GLB1: variants seen among roughly 807,000 people sequenced by gnomAD.
GLB1 encodes beta-galactosidase.
A neutral mutation model predicts 74.0 loss-of-function variants in GLB1; 56 were observed. The observed-to-expected ratio is 0.76, with a 90% CI of 0.61 to 0.94. The LOEUF is 0.94. Ranked by LOEUF, GLB1 falls within the 40% of genes least tolerant of loss-of-function variation. The probability of loss-of-function intolerance (pLI) is 0.00; values close to 1 mark genes in which losing one functional copy is unlikely to be tolerated. For synonymous variants in GLB1, 323 were observed against 323.6 expected, an observed-to-expected ratio of 1.00 and a Z score of 0.02; for missense variants, 787 against 845.5, an observed-to-expected ratio of 0.93 and a Z score of 0.86.
Position 33,088,358 on chromosome 3 carries a change from C to T in GLB1, c.75+8653G>A, listed in dbSNP as rs1700611694. On this transcript the variant is annotated intron_variant, in intron 1 of 15. Coordinates refer to ENST00000307363, the MANE Select transcript of GLB1 (RefSeq NM_000404.4). ...ATGATATAATCTTAGATGTAGGAAA[C>T]CCTAAAGACTACACACACACACACA... Among the ~76,000 whole-genome samples, 4 of 135,562 alleles carry T rather than the reference C, an allele frequency of 3.0e-5. No individual in the cohort carries two copies. The South Asian group carries it at 9.7e-4, about 33-fold the overall frequency. 88.9% of individuals were successfully genotyped at this position (135,562 alleles called of 152,430 possible).
At chr3:33,054,531 G>A (rs1699138712) in intron 6 of GLB1, among the ~76,000 whole-genome samples, 1 of 152,188 alleles carries the variant, frequency 6.6e-6, no homozygotes, top group Non-Finnish European at 1.5e-5. Flanking sequence ...CACCCCACAG[G>A]ATGAGCCTGG....
chr3:33,023,620 G>A (rs1446033844), intron 11 of GLB1, among the ~76,000 whole-genome samples: 2 of 151,716 alleles, frequency 1.3e-5, no homozygotes, highest in Non-Finnish European at 2.9e-5. Flanking sequence ...GGGAAAACCT[G>A]AAGACACAGA....
chr3:33,031,651 A>ATG (rs1698041714), intron 10 of GLB1, among the ~76,000 whole-genome samples: 1 of 104,830 alleles, frequency 9.5e-6, no homozygotes, highest in Non-Finnish European at 1.8e-5. Context: ...ATATATATAT[A>ATG]TATATATATA....
the GLB1 span, among the ~76,000 whole-genome samples, chr3:32,977,723 G>A: frequency 6.6e-6 from 1 of 152,132 alleles, no homozygotes; most frequent in Admixed American, 6.5e-5. Context: ...CTCAGTCAGT[G>A]GTAAACAAAG....
intron 15 of GLB1, among the ~76,000 whole-genome samples, chr3:33,000,447 C>G (rs1247520204): frequency 1.3e-5 from 2 of 152,174 alleles, no homozygotes; most frequent in Non-Finnish European, 2.9e-5. Flanking sequence ...TTATACAAGG[C>G]CAGGTGTGGT....
the GLB1 span, among the ~76,000 whole-genome samples, chr3:32,977,237 TGCTCTGTGGCCCAG>T: frequency 6.6e-6 from 1 of 151,542 alleles, no homozygotes; most frequent in Admixed American, 6.6e-5. Context: ...GACAGAGTCT[TGCTCTGTGGCCCAG>T]GCTGGAGTGC....
At chr3:33,048,090 A>C (rs1226277520) in intron 9 of GLB1, among the ~76,000 whole-genome samples, 1 of 152,266 alleles carries the variant, frequency 6.6e-6, no homozygotes, top group East Asian at 1.9e-4. Context: ...CACTGCTTGC[A>C]CCTCAGGGGC....
intron 15 of GLB1, among the ~76,000 whole-genome samples, chr3:33,013,628 T>C (rs1448814937): frequency 2.6e-5 from 4 of 152,050 alleles, no homozygotes; most frequent in Admixed American, 6.5e-5. Context: ...CAGCTTATGA[T>C]AGAAGCCCCA....
chr3:32,964,953 G>A, the GLB1 span, among the ~76,000 whole-genome samples: 5 of 152,206 alleles, frequency 3.3e-5, no homozygotes, highest in Admixed American at 2.0e-4. Context: ...GCAGTTCCCC[G>A]CACACACTCT....
At chr3:33,021,746 G>C (rs1424338596) in intron 11 of GLB1, 91 bp from the exon 12 acceptor site, 3 of 1,449,370 alleles carry the variant, frequency 2.1e-6, no homozygotes, top group Non-Finnish European at 9.5e-7. Flanking sequence ...AGACATCAGT[G>C]GGTTTGACCA....
chr3:32,970,818 GCTAAGCTCTTACC>G, the GLB1 span, among the ~76,000 whole-genome samples: 20 of 152,244 alleles, frequency 1.3e-4, no homozygotes, highest in East Asian at 2.7e-3. Context: ...CACACTGGAA[GCTAAGCTCTTACC>G]CTAAGCTCTT....
intron 5 of GLB1, among the ~76,000 whole-genome samples, chr3:33,064,925 C>T (rs1369349053): frequency 6.6e-6 from 1 of 152,060 alleles, no homozygotes; most frequent in African/African-American, 2.4e-5. Context: ...CTTGCAGAGC[C>T]AAGAACACAT....
In GLB1 at chr3:33,024,244, T is replaced by C; in HGVS notation, c.1143+7A>G. On this transcript the variant is annotated splice_region_variant and intron_variant, in intron 11 of 15. Transcript: ENST00000307363. ...CTTTCAAAGTTTCTGTTATTTTTTT[T>C]TCTTACCTTTTCCAAAGTGACCTTT... 6.2e-7 allele frequency: 1 copy of C among 1,609,366 alleles called. No individual in the cohort carries two copies. Among genetic ancestry groups the C allele is most frequent in the Non-Finnish European group, 8.5e-7 (1 of 1,178,476 alleles).
intron 15 of GLB1, among the ~76,000 whole-genome samples, chr3:33,012,045 T>C (rs993647914): frequency 8.5e-5 from 13 of 152,210 alleles, no homozygotes; most frequent in Admixed American, 2.0e-4. Context: ...GTTTGGTCTC[T>C]CCTCTTCAGT....
intron 10 of GLB1, among the ~76,000 whole-genome samples, chr3:33,026,856 C>T (rs1040120057): frequency 1.3e-5 from 2 of 152,158 alleles, no homozygotes; most frequent in African/African-American, 4.8e-5. Context: ...GACAAGCTAT[C>T]CACTGTGGGC....
the GLB1 span, among the ~76,000 whole-genome samples, chr3:32,970,230 C>T: frequency 1.3e-5 from 2 of 152,146 alleles, no homozygotes; most frequent in Non-Finnish European, 2.9e-5. Flanking sequence ...AAGTGGAGTG[C>T]ATGAACCGAA....
At chr3:33,091,021 A>C (rs1348660525) in intron 1 of GLB1, 1 of 985,338 alleles carries the variant, frequency 1.0e-6, no homozygotes, top group Admixed American at 6.1e-5. Context: ...AATAACACGT[A>C]ACAGGTGAGT....
intron 10 of GLB1, among the ~76,000 whole-genome samples, chr3:33,038,543 A>G (rs962303721): frequency 4.6e-5 from 7 of 152,222 alleles, no homozygotes; most frequent in Non-Finnish European, 8.8e-5. Context: ...TTCCAAAAAA[A>G]TGGAAAATGT....
chr3:32,973,531 C>T, the GLB1 span, among the ~76,000 whole-genome samples: 5 of 151,944 alleles, frequency 3.3e-5, no homozygotes, highest in East Asian at 9.7e-4. Flanking sequence ...TTAGTAGAGA[C>T]GGGGTTTTGC....
Sources: allele counts gnomAD v4.1 joint callset (sites outside exome capture counted in the v4.1 genomes callset), GRCh38; gene constraint gnomAD v4.1.1; transcripts MANE v1.5; gene names NCBI Gene and HGNC (gene_info 2026-07-23, HGNC 2026-07-21).